Variants in GPHN observed in about 807,000 individuals in gnomAD.
GPHN encodes the protein gephyrin.
In GPHN, 17 loss-of-function variants were observed where a neutral mutation model predicts 95.5. The observed-to-expected ratio is 0.18, with a 90% confidence interval of 0.12 to 0.27. The LOEUF is 0.27. Ranked by LOEUF, GPHN falls within the 10% of genes least tolerant of loss-of-function variation. GPHN has a pLI of 1.00. For missense variants in GPHN, 660 were observed against 978.1 expected (o/e 0.67, Z 4.34); for synonymous variants, 320 against 322.5 (o/e 0.99, Z 0.08).
intron 9 of GPHN, among the ~76,000 whole-genome samples, chr14:66,995,217 G>C (rs1054594586): frequency 6.6e-6 from 1 of 152,128 alleles, no homozygotes; most frequent in Non-Finnish European, 1.5e-5. Context: ...GTGTGACAAC[G>C]TAGAAAATAA....
the GPHN span, among the ~76,000 whole-genome samples, chr14:67,341,229 G>A: frequency 2.0e-5 from 3 of 151,982 alleles, no homozygotes; most frequent in South Asian, 2.1e-4. Context: ...AGGAAGTGAG[G>A]AGCGTCTCTG....
intron 2 of GPHN, among the ~76,000 whole-genome samples, chr14:66,700,875 T>C (rs2153414593): frequency 6.6e-6 from 1 of 152,172 alleles, no homozygotes; most frequent in East Asian, 1.9e-4. Context: ...TGAGCCAAGA[T>C]TGCACCACTG....
the GPHN span, chr14:67,593,569 G>C: frequency 1.7e-6 from 1 of 573,602 alleles, no homozygotes; most frequent in East Asian, 2.8e-5. Flanking sequence ...TGAAGATAAA[G>C]TTGAAATGCT....
At chr14:66,952,929 C>A (rs1468662805) in intron 8 of GPHN, among the ~76,000 whole-genome samples, 1 of 151,880 alleles carries the variant, frequency 6.6e-6, no homozygotes, top group Non-Finnish European at 1.5e-5. Context: ...CTCCTGACCT[C>A]ATGATCTTCC....
At chr14:67,620,261 TC>T in the GPHN span, among the ~76,000 whole-genome samples, 1 of 139,016 alleles carries the variant, frequency 7.2e-6, no homozygotes, top group Non-Finnish European at 1.6e-5. Context: ...TGGGATATCC[TC>T]CGACAGAGAA....
At chr14:66,973,737 G>A (rs1188877807) in intron 9 of GPHN, among the ~76,000 whole-genome samples, 2 of 152,054 alleles carry the variant, frequency 1.3e-5, no homozygotes, top group East Asian at 1.9e-4. Flanking sequence ...CTAGACTGGT[G>A]ACAGAGCAAG....
chr14:67,096,295 G>C (rs1353871803), intron 12 of GPHN, among the ~76,000 whole-genome samples: 3 of 152,076 alleles, frequency 2.0e-5, no homozygotes, highest in Non-Finnish European at 4.4e-5. Context: ...CCTTAGAATC[G>C]CTTCAGAGTA....
At chr14:67,409,332 C>T in the GPHN span, among the ~76,000 whole-genome samples, 273 of 151,882 alleles carry the variant, frequency 1.8e-3, 1 homozygote, top group African/African-American at 6.5e-3. Flanking sequence ...TCACTTGAGC[C>T]AGGAGTTTGA....
the GPHN span, among the ~76,000 whole-genome samples, chr14:67,510,299 T>C: frequency 2.6e-5 from 4 of 152,246 alleles, no homozygotes; most frequent in Non-Finnish European, 5.9e-5. Context: ...TGAAATGGGC[T>C]GTCCAAGGTC....
intron 3 of GPHN, among the ~76,000 whole-genome samples, chr14:66,786,489 T>C (rs977134363): frequency 1.3e-5 from 2 of 152,016 alleles, no homozygotes; most frequent in African/African-American, 2.4e-5. Context: ...TCAGTTTTAG[T>C]CAATCTCCTC....
intron 1 of GPHN, among the ~76,000 whole-genome samples, chr14:66,566,770 A>G (rs1306199394): frequency 3.3e-5 from 5 of 152,188 alleles, no homozygotes; most frequent in South Asian, 2.1e-4. Context: ...AGAGCAGAGA[A>G]CATCACAGTT....
intron 11 of GPHN, among the ~76,000 whole-genome samples, chr14:67,081,979 C>T (rs767175251): frequency 1.3e-5 from 2 of 152,060 alleles, no homozygotes; most frequent in African/African-American, 2.4e-5. Context: ...ATACCAGTAC[C>T]ATGTTGTTTT....
the GPHN span, among the ~76,000 whole-genome samples, chr14:67,394,616 C>G: frequency 6.6e-6 from 1 of 151,888 alleles, no homozygotes. Flanking sequence ...TTTTGTGAGC[C>G]CAGGAATGGA....
the GPHN span, among the ~76,000 whole-genome samples, chr14:67,567,296 T>C: frequency 3.3e-5 from 5 of 152,230 alleles, no homozygotes; most frequent in Admixed American, 1.3e-4. Context: ...GTGTGAGAAA[T>C]ACTTATGTAT....
chr14:67,694,245 A>G, the GPHN span, among the ~76,000 whole-genome samples: 1 of 152,122 alleles, frequency 6.6e-6, no homozygotes, highest in African/African-American at 2.4e-5. Flanking sequence ...CTCCCTCCTC[A>G]GAAAACAAGC....
the GPHN span, chr14:67,722,841 G>A: frequency 3.7e-6 from 3 of 817,998 alleles, no homozygotes; most frequent in Non-Finnish European, 6.3e-6. Context: ...AAAGCAGGAA[G>A]GAAGGGGGTG....
the GPHN span, among the ~76,000 whole-genome samples, chr14:67,243,085 A>G: frequency 5.9e-5 from 9 of 152,308 alleles, no homozygotes; most frequent in Admixed American, 2.6e-4. Flanking sequence ...TCAATTTTAT[A>G]TATTATTTAC....
chr14:66,615,766 G>T (rs183629832), intron 1 of GPHN, among the ~76,000 whole-genome samples: 1 of 151,148 alleles, frequency 6.6e-6, no homozygotes, highest in Admixed American at 6.6e-5. Context: ...GTTGCTTTTG[G>T]CATTTTCATC....
chr14:67,258,332 C>T, the GPHN span, among the ~76,000 whole-genome samples: 17 of 152,158 alleles, frequency 1.1e-4, no homozygotes, highest in East Asian at 7.7e-4. Context: ...CTCAGGAGTT[C>T]GAGACTAGTC....
Sources: allele counts gnomAD v4.1 joint callset (sites outside exome capture counted in the v4.1 genomes callset), GRCh38; gene constraint gnomAD v4.1.1; transcripts MANE v1.5; gene names NCBI Gene and HGNC (gene_info 2026-07-23, HGNC 2026-07-21).